The following FAM222A variants were observed in gnomAD, a reference collection of about 807,000 sequenced individuals.
FAM222A encodes family with sequence similarity 222 member A, also known as protein FAM222A.
Under a neutral mutation model 25.8 loss-of-function variants are expected in FAM222A, and 7 were observed. That is an observed-to-expected ratio of 0.27 (90% CI 0.15 to 0.51). The LOEUF (loss-of-function observed/expected upper bound fraction) is 0.51, where lower values mean the gene tolerates loss of function less well. FAM222A is among the 20% of genes least tolerant of loss of function. FAM222A has a pLI of 0.97. For missense variants in FAM222A, 573 were observed against 640.5 expected (o/e 0.89, Z 1.14); for synonymous variants, 294 against 298.8 (o/e 0.98, Z 0.17).
At chr12:109,746,705 G>T (rs1690199493) in intron 2 of FAM222A, among the ~76,000 whole-genome samples, 1 of 152,170 alleles carries the variant, frequency 6.6e-6, no homozygotes, top group Admixed American at 6.5e-5. Context: ...ATAGAATTAT[G>T]CAGCCATTAC....
chr12:109,760,708 A>T (rs956851529), intron 2 of FAM222A, among the ~76,000 whole-genome samples: 7 of 152,200 alleles, frequency 4.6e-5, no homozygotes, highest in Non-Finnish European at 7.3e-5. Context: ...CTTCTGAAGC[A>T]CGGGGCTGCC....
chr12:109,759,837 A>C (rs1299236490), intron 2 of FAM222A, among the ~76,000 whole-genome samples: 2 of 152,216 alleles, frequency 1.3e-5, no homozygotes, highest in African/African-American at 4.8e-5. Context: ...ACGCTTTCCA[A>C]GCACCTTCGG....
intron 1 of FAM222A, among the ~76,000 whole-genome samples, chr12:109,721,382 C>T (rs950472657): frequency 9.9e-5 from 15 of 152,178 alleles, no homozygotes; most frequent in East Asian, 9.7e-4. Context: ...CAGACTCAGC[C>T]GCGTCCTTCA....
At chr12:109,719,060 G>A (rs988661059) in intron 1 of FAM222A, among the ~76,000 whole-genome samples, 2 of 152,268 alleles carry the variant, frequency 1.3e-5, no homozygotes, top group East Asian at 1.9e-4. Context: ...GGGAAGGGGC[G>A]ACCTGCCCAG....
intron 2 of FAM222A, among the ~76,000 whole-genome samples, chr12:109,749,842 A>T (rs1888511099): frequency 6.6e-6 from 1 of 152,206 alleles, no homozygotes; most frequent in Admixed American, 6.5e-5. Context: ...CCAAAAGTCC[A>T]GGATTCAACT....
At chr12:109,737,143 T>C (rs1001780262) in intron 1 of FAM222A, among the ~76,000 whole-genome samples, 1 of 151,844 alleles carries the variant, frequency 6.6e-6, no homozygotes, top group African/African-American at 2.4e-5. Context: ...GAGTTGAGTT[T>C]TAAGGGGTAG....
In FAM222A at chr12:109,768,469, C is replaced by T. The variant is rs752569791; in HGVS notation, c.540C>T (p.Ser180=). The T allele has an allele frequency of 6.9e-6, 11 of 1,603,088 alleles. No homozygotes were observed. Among genetic ancestry groups the T allele is most frequent in the Middle Eastern group, 1.7e-4 (1 of 6,054 alleles). ...TGCCCGCAGCCGCCACTGCCGCCTC[C>T]GTCATCCCCCTGCCGGGCCGGGGCC... ...PGLPAAATAA[S]VIPLPGRGLP... is the part of the protein sequence containing the mutation. Residue 180 remains serine (S), a synonymous_variant, in exon 3 of 3, where the codon TCC becomes TCT. Transcript: ENST00000538780.
intron 2 of FAM222A, among the ~76,000 whole-genome samples, chr12:109,756,470 G>C (rs1483171638): frequency 7.1e-6 from 1 of 139,868 alleles, no homozygotes; most frequent in Admixed American, 7.7e-5. Flanking sequence ...AAGATACTTT[G>C]TCTTATTCCT....
Position 109,768,808 on chromosome 12 carries a change from CCCA to C in FAM222A, c.882_884del (p.Pro297del). 1 of 1,572,552 alleles carries C rather than the reference CCCA, an allele frequency of 6.4e-7. No homozygotes were observed. ...ACCTGCTGTGGCCGCAGAAACCGCC[CCCA>C]CCGCCGCCCCAGCCACTGCGTGCCT... On this transcript the variant is annotated inframe_deletion, in exon 3 of 3. Transcript: ENST00000538780.
chr12:109,765,659 A>C (rs889888252), intron 2 of FAM222A, among the ~76,000 whole-genome samples: 6 of 151,858 alleles, frequency 4.0e-5, no homozygotes, highest in Non-Finnish European at 5.9e-5. Context: ...TCTCCATCCC[A>C]TTTCACTTGG....
chr12:109,765,603 T>C (rs1044974742), intron 2 of FAM222A, among the ~76,000 whole-genome samples: 2 of 152,228 alleles, frequency 1.3e-5, no homozygotes, highest in Admixed American at 6.5e-5. Context: ...ACAGTTCCTT[T>C]TGGGAAGCTG....
At chr12:109,740,055 G>A (rs897359821) in intron 1 of FAM222A, among the ~76,000 whole-genome samples, 2 of 152,190 alleles carry the variant, frequency 1.3e-5, no homozygotes, top group South Asian at 2.1e-4. Flanking sequence ...AGGCAAGCAG[G>A]GCCCAAGCCC....
chr12:109,768,274 G>A lies in FAM222A; in HGVS notation c.345G>A (p.Thr115=), dbSNP rs949591244. 23 of 1,606,516 alleles carry A rather than the reference G, an allele frequency of 1.4e-5. No homozygotes were observed. Among genetic ancestry groups the A allele is most frequent in the Middle Eastern group, 3.3e-4 (2 of 6,052 alleles). The stretch of plus-strand genomic sequence containing the variant: ...AGGCCGCGGTTTCCTCCTCCAGCAC[G>A]GCCGCACCAGCTGGGCCCGCCAAAA... ...IVKAAVSSSS[T]AAPAGPAKSV... Residue 115 remains threonine, a synonymous_variant, in exon 3 of 3, where the codon ACG becomes ACA. Transcript: ENST00000538780.
intron 1 of FAM222A, chr12:109,734,114 G>A (rs2136328345): frequency 6.6e-6 from 1 of 152,038 alleles, no homozygotes; most frequent in East Asian, 1.9e-4. Context: ...GAGAGGTTGA[G>A]GCAGGAGGAT....
intron 1 of FAM222A, among the ~76,000 whole-genome samples, chr12:109,728,108 C>T (rs2136322946): frequency 6.6e-6 from 1 of 152,316 alleles, no homozygotes; most frequent in East Asian, 1.9e-4. Flanking sequence ...TACCTAAGCA[C>T]ACTCGGGCCA....
chr12:109,740,482 G>T (rs1208368038), intron 1 of FAM222A, among the ~76,000 whole-genome samples: 1 of 152,196 alleles, frequency 6.6e-6, no homozygotes, highest in East Asian at 1.9e-4. Context: ...GCTTGGCCAG[G>T]GGGGTAATGA....
At chr12:109,743,864 T>C (rs1321154251) in intron 1 of FAM222A, 3 of 985,234 alleles carry the variant, frequency 3.0e-6, no homozygotes, top group African/African-American at 3.5e-5. Flanking sequence ...GCATGTGTGA[T>C]CCATCAGTCC....
chr12:109,766,201 C>A (rs1038770785), intron 2 of FAM222A, among the ~76,000 whole-genome samples: 1 of 152,222 alleles, frequency 6.6e-6, no homozygotes, highest in African/African-American at 2.4e-5. Flanking sequence ...ATGCCCAGGG[C>A]CATTCCATCT....
intron 2 of FAM222A, among the ~76,000 whole-genome samples, chr12:109,759,463 C>T (rs1305353061): frequency 2.6e-5 from 4 of 152,168 alleles, no homozygotes; most frequent in Admixed American, 6.5e-5. Context: ...CTGGAAGGCC[C>T]GCTCTTGTGT....
Sources: allele counts gnomAD v4.1 joint callset (sites outside exome capture counted in the v4.1 genomes callset), GRCh38; gene constraint gnomAD v4.1.1; transcripts MANE v1.5; gene names NCBI Gene and HGNC (gene_info 2026-07-23, HGNC 2026-07-21).